The following NRG1 variants were observed in gnomAD, a reference collection of about 807,000 sequenced individuals.
NRG1 encodes the protein neuregulin 1.
NRG1 carries 18 observed loss-of-function variants against 63.8 expected under a neutral mutation model. The observed-to-expected ratio is 0.28, with a 90% CI of 0.19 to 0.42. NRG1 has a LOEUF of 0.42. NRG1 is among the 10% of genes least tolerant of loss of function. The pLI, the probability that NRG1 is intolerant of heterozygous loss-of-function variation, is 1.00. For synonymous variants in NRG1, 302 were observed against 301.3 expected, an observed-to-expected ratio of 1.00 and a Z score of -0.02; for missense variants, 762 against 814.7, an observed-to-expected ratio of 0.94 and a Z score of 0.79.
At chr8:32,083,827 A>G (rs1391292966) in intron 1 of NRG1, among the ~76,000 whole-genome samples, 4 of 152,120 alleles carry the variant, frequency 2.6e-5, no homozygotes, top group African/African-American at 9.7e-5. Flanking sequence ...GTTCAATTGG[A>G]TATTTACATT....
intron 1 of NRG1, among the ~76,000 whole-genome samples, chr8:32,029,841 G>T (rs115155340): frequency 0.052 from 4,254 of 81,706 alleles, 73 homozygotes; most frequent in African/African-American, 0.088. Context: ...TATGAATGCT[G>T]GTTTGTAAAA....
intron 1 of NRG1, among the ~76,000 whole-genome samples, chr8:32,294,031 T>C (rs1342592461): frequency 6.6e-6 from 1 of 152,122 alleles, no homozygotes; most frequent in East Asian, 1.9e-4. Context: ...TTCTGACTAT[T>C]TCTTGACGGC....
At chr8:32,401,787 A>G (rs761515241) in intron 1 of NRG1, among the ~76,000 whole-genome samples, 8 of 152,202 alleles carry the variant, frequency 5.3e-5, no homozygotes, top group African/African-American at 1.9e-4. Flanking sequence ...ATCAGGTACT[A>G]TGCTTCATAC....
chr8:32,514,907 G>C (rs1274757606), intron 1 of NRG1, among the ~76,000 whole-genome samples: 1 of 152,038 alleles, frequency 6.6e-6, no homozygotes, highest in Non-Finnish European at 1.5e-5. Flanking sequence ...GCTGAGGTTT[G>C]GGGTATGAAT....
At chr8:32,421,852 A>T (rs1474855687) in intron 1 of NRG1, among the ~76,000 whole-genome samples, 1 of 152,190 alleles carries the variant, frequency 6.6e-6, no homozygotes. Flanking sequence ...ATTAATGCAG[A>T]TACATGAAAA....
At chr8:32,478,269 G>GC (rs898192358) in intron 1 of NRG1, among the ~76,000 whole-genome samples, 3 of 151,926 alleles carry the variant, frequency 2.0e-5, no homozygotes, top group Non-Finnish European at 4.4e-5. Context: ...CCATGTGGGG[G>GC]GGCCTTTTTG....
At chr8:32,450,840 G>T (rs1183196381) in intron 1 of NRG1, among the ~76,000 whole-genome samples, 1 of 152,192 alleles carries the variant, frequency 6.6e-6, no homozygotes, top group East Asian at 1.9e-4. Context: ...GATGGTTGCA[G>T]TGCTTTTTTG....
At chr8:32,034,317 A>G (rs1023420154) in intron 1 of NRG1, among the ~76,000 whole-genome samples, 8 of 152,198 alleles carry the variant, frequency 5.3e-5, no homozygotes, top group African/African-American at 1.9e-4. Flanking sequence ...ATCATGGTGG[A>G]TAAGCTTTTT....
chr8:32,121,727 A>G (rs1231215532), intron 1 of NRG1, among the ~76,000 whole-genome samples: 2 of 151,988 alleles, frequency 1.3e-5, no homozygotes, highest in Non-Finnish European at 2.9e-5. Context: ...CAGAGAGAGA[A>G]AGAGAGAGAA....
intron 1 of NRG1, among the ~76,000 whole-genome samples, chr8:31,985,486 A>C (rs1385330371): frequency 6.6e-6 from 1 of 152,084 alleles, no homozygotes; most frequent in Non-Finnish European, 1.5e-5. Context: ...TTAATGTATG[A>C]TGTTACCATT....
intron 1 of NRG1, among the ~76,000 whole-genome samples, chr8:31,753,349 G>A (rs1326015883): frequency 6.9e-6 from 1 of 144,128 alleles, no homozygotes; most frequent in Admixed American, 6.9e-5. Context: ...AAAAAAACCT[G>A]AGAGATGAGA....
intron 1 of NRG1, among the ~76,000 whole-genome samples, chr8:32,282,166 G>T (rs1324150995): frequency 6.6e-6 from 1 of 152,126 alleles, no homozygotes; most frequent in African/African-American, 2.4e-5. Context: ...TGGACACAGG[G>T]CACCACAAAC....
intron 1 of NRG1, among the ~76,000 whole-genome samples, chr8:32,066,669 G>T (rs929003406): frequency 2.6e-4 from 40 of 152,104 alleles, no homozygotes; most frequent in African/African-American, 9.4e-4. Context: ...TTGGCAATGA[G>T]GACTCTTTTT....
Position 32,123,754 on chromosome 8 carries a change from C to T in NRG1, c.38-472074C>T, listed in dbSNP as rs553683871. On this transcript the variant is annotated intron_variant, in intron 1 of 10. Coordinates refer to the NRG1 transcript ENST00000519301. ...GTGTTTCTTTAGGAAATGTGCCCTC[C>T]GTCAAAATTTTATTCTTTTTGGTCT... 1.4e-4 allele frequency among the ~76,000 whole-genome samples: 21 copies of T among 151,150 alleles called. No individual in the cohort carries two copies. In the South Asian group the frequency reaches 3.5e-3, roughly 25 times the overall value.
intron 1 of NRG1, among the ~76,000 whole-genome samples, chr8:32,037,858 G>A (rs1375689446): frequency 2.0e-5 from 3 of 152,214 alleles, no homozygotes; most frequent in African/African-American, 7.2e-5. Context: ...TTCTTAGGCT[G>A]TCTCCAACCT....
chr8:31,819,294 A>G (rs2129603128), intron 1 of NRG1, among the ~76,000 whole-genome samples: 1 of 152,296 alleles, frequency 6.6e-6, no homozygotes, highest in Admixed American at 6.5e-5. Context: ...ATAAAACAAA[A>G]TCTATCAGAT....
intron 1 of NRG1, among the ~76,000 whole-genome samples, chr8:32,001,370 C>T (rs980763463): frequency 2.6e-5 from 4 of 152,008 alleles, no homozygotes; most frequent in African/African-American, 7.2e-5. Flanking sequence ...TGCCTGCCAC[C>T]GTGTAAGACA....
intron 1 of NRG1, among the ~76,000 whole-genome samples, chr8:32,412,011 T>C (rs1815032948): frequency 6.6e-6 from 1 of 152,228 alleles, no homozygotes; most frequent in Non-Finnish European, 1.5e-5. Context: ...GTGGGAATGT[T>C]TCTGGATGAG....
intron 1 of NRG1, among the ~76,000 whole-genome samples, chr8:32,458,152 G>A (rs760431408): frequency 2.0e-5 from 3 of 152,008 alleles, no homozygotes; most frequent in African/African-American, 4.8e-5. Flanking sequence ...TCTTGACTTC[G>A]TGATCCTCCC....
Sources: gnomAD v4.1 joint callset for allele counts (sites outside exome capture counted in the v4.1 genomes callset) on GRCh38, gnomAD v4.1.1 for gene constraint, MANE v1.5 for transcripts, NCBI Gene and HGNC (gene_info 2026-07-23, HGNC 2026-07-21) for gene names.